The following PARD3 variants were observed in gnomAD, a reference collection of about 807,000 sequenced individuals.
The protein encoded by PARD3 is par-3 family cell polarity regulator, also known as partitioning defective 3 homolog.
In PARD3, 75 loss-of-function variants were observed where a neutral mutation model predicts 155.4. That is an observed-to-expected ratio of 0.48 (90% CI 0.40 to 0.58). PARD3 has a LOEUF of 0.58. Ranked by LOEUF, PARD3 falls within the 20% of genes least tolerant of loss-of-function variation. The probability of loss-of-function intolerance (pLI) is 0.00; values close to 1 mark genes in which losing one functional copy is unlikely to be tolerated. For synonymous variants in PARD3, 576 were observed against 610.5 expected, an observed-to-expected ratio of 0.94 and a Z score of 0.83; for missense variants, 1,642 against 1,721.7, an observed-to-expected ratio of 0.95 and a Z score of 0.82.
intron 6 of PARD3, among the ~76,000 whole-genome samples, chr10:34,400,947 C>A (rs906234705): frequency 2.6e-5 from 4 of 152,022 alleles, no homozygotes; most frequent in African/African-American, 9.6e-5. Flanking sequence ...CTGATTTTAT[C>A]CCACAGTCTA....
intron 3 of PARD3, among the ~76,000 whole-genome samples, chr10:34,487,759 G>C (rs2079574059): frequency 6.6e-6 from 1 of 151,708 alleles, no homozygotes; most frequent in Non-Finnish European, 1.5e-5. Flanking sequence ...AATTTTATAG[G>C]TATATCTGCA....
At chr10:34,501,688 C>T (rs114053432) in intron 3 of PARD3, among the ~76,000 whole-genome samples, 4,063 of 151,946 alleles carry the variant, frequency 0.027, 194 homozygotes, top group African/African-American at 0.093. Context: ...TATTTAAATG[C>T]ATGTAAAATG....
chr10:34,453,695 A>T (rs902580629), intron 4 of PARD3, among the ~76,000 whole-genome samples: 3 of 152,216 alleles, frequency 2.0e-5, no homozygotes, highest in African/African-American at 7.2e-5. Context: ...GCCTATTTCA[A>T]CTTCCTGTCA....
intron 5 of PARD3, among the ~76,000 whole-genome samples, chr10:34,444,405 T>C (rs1269330084): frequency 6.6e-6 from 1 of 152,232 alleles, no homozygotes; most frequent in Non-Finnish European, 1.5e-5. Context: ...AATATCAAAC[T>C]ATATTCTATG....
At chr10:34,183,788 G>A (rs954287822) in intron 22 of PARD3, among the ~76,000 whole-genome samples, 2 of 152,144 alleles carry the variant, frequency 1.3e-5, no homozygotes, top group African/African-American at 4.8e-5. Context: ...TCTGTATGGG[G>A]GAGCTGTTCT....
chr10:34,646,247 TA>T (rs2092833766), intron 2 of PARD3, among the ~76,000 whole-genome samples: 1 of 152,200 alleles, frequency 6.6e-6, no homozygotes, highest in South Asian at 2.1e-4. Context: ...TAATCGTGAT[TA>T]AGTCCAGGTA....
chr10:34,704,218 G>C (rs943654159), intron 1 of PARD3, among the ~76,000 whole-genome samples: 1 of 152,118 alleles, frequency 6.6e-6, no homozygotes, highest in Admixed American at 6.5e-5. Context: ...TAAGGCTAAG[G>C]CTAATTAGTT....
rs1354239846 is a variant in PARD3, at chr10:34,228,553, T to C, written c.3419+41104A>G. Among the ~76,000 whole-genome samples the C allele has an allele frequency of 1.3e-5, 2 of 152,064 alleles. 1 individual carries two copies. The highest frequency in any genetic ancestry group is 4.8e-5 in the African/African-American group (2 of 41,332). On this transcript the variant is annotated intron_variant, in intron 22 of 24. Coordinates refer to ENST00000374788, the MANE Select transcript of PARD3 (RefSeq NM_001184785.2). ...CTGGGATTTTTGTGGATAGAAATGT[T>C]AAAAGACTAGATTGTGGTGACAGTT...
chr10:34,793,443 C>T (rs1240868124), intron 1 of PARD3, among the ~76,000 whole-genome samples: 1 of 152,142 alleles, frequency 6.6e-6, no homozygotes, highest in Non-Finnish European at 1.5e-5. Context: ...ACACAGAACC[C>T]ATGGAGTTCT....
Position 34,466,370 on chromosome 10 carries a change from G to A in PARD3, c.582+3715C>T, listed in dbSNP as rs564439851. 9.2e-5 allele frequency among the ~76,000 whole-genome samples: 14 copies of A among 152,184 alleles called. 1 individual carries two copies. Among genetic ancestry groups the A allele is most frequent in the South Asian group, 4.1e-4 (2 of 4,822 alleles). ...TTCAACAAGGAAGACTCCACCTCTC[G>A]TTTGTGATTTTGAACCAAAGGAGAG... On this transcript the variant is annotated intron_variant, in intron 4 of 24. Coordinates refer to ENST00000374788, the MANE Select transcript of PARD3 (RefSeq NM_001184785.2).
Position 34,447,480 on chromosome 10 carries a change from C to CAAAAAAAAAAAAAAAAAAAAAAA in PARD3, c.714+2814_714+2836dup, listed in dbSNP as rs745637071. 2.1e-4 allele frequency among the ~76,000 whole-genome samples: 8 copies of CAAAAAAAAAAAAAAAAAAAAAAA among 37,212 alleles called. 2 individuals carry two copies. Among genetic ancestry groups the CAAAAAAAAAAAAAAAAAAAAAAA allele is most frequent in the East Asian group, 9.0e-4 (1 of 1,106 alleles). The allele number at this position is 37,212 out of a possible 152,430, so 24.4% of individuals were successfully genotyped here. A position where few individuals can be genotyped will look rare whatever the true frequency, so the allele number is the denominator to read the frequency against. The stretch of plus-strand genomic sequence containing the variant: ...TGGGCAACAGAGCAAGACTGCGTCT[C>CAAAAAAAAAAAAAAAAAAAAAAA]AAAAAAAAAAAAAAAAAAAAAAAAA... On this transcript the variant is annotated intron_variant, in intron 5 of 24. Coordinates refer to ENST00000374788, the MANE Select transcript of PARD3 (RefSeq NM_001184785.2).
chr10:34,215,398 A>G (rs1951955873), intron 22 of PARD3, among the ~76,000 whole-genome samples: 1 of 152,246 alleles, frequency 6.6e-6, no homozygotes, highest in African/African-American at 2.4e-5. Context: ...ATTGAAAAAT[A>G]CATAAAATGT....
At position 34,169,387 on chromosome 10, in the gene PARD3, A is replaced by G. The variant is rs376796054; in HGVS notation, c.3420-37804T>C. ...CACGCAGGAGAGCAGGAGATGACAA[A>G]AGAAGCTGGATATTCTGGTGATAAA... is the stretch of plus-strand genomic sequence containing the variant. On this transcript the variant is annotated intron_variant, in intron 22 of 24. Coordinates refer to ENST00000374788, the MANE Select transcript of PARD3 (RefSeq NM_001184785.2). 1.0e-3 allele frequency among the ~76,000 whole-genome samples: 159 copies of G among 152,302 alleles called. 1 individual carries two copies. The highest frequency in any genetic ancestry group is 3.6e-3 in the African/African-American group (151 of 41,564).
intron 2 of PARD3, among the ~76,000 whole-genome samples, chr10:34,569,576 C>A (rs2086221499): frequency 6.6e-6 from 1 of 151,972 alleles, no homozygotes. Context: ...CGCCATCACA[C>A]CCAGCTAATT....
chr10:34,658,974 T>C (rs1032595809), intron 2 of PARD3, among the ~76,000 whole-genome samples: 1 of 152,242 alleles, frequency 6.6e-6, no homozygotes, highest in African/African-American at 2.4e-5. Context: ...TTTATATATA[T>C]TATTTTCAAA....
chr10:34,750,697 T>A (rs1835920345), intron 1 of PARD3, among the ~76,000 whole-genome samples: 1 of 151,806 alleles, frequency 6.6e-6, no homozygotes, highest in African/African-American at 2.4e-5. Flanking sequence ...AACAATTTTT[T>A]TTTTTTTTTG....
At position 34,359,207 on chromosome 10, in the gene PARD3, T is replaced by G. The variant is rs1489022737; in HGVS notation, c.2007A>C (p.Glu669Asp). The change falls in exon 14 of 25, where the codon GAA (glutamate) becomes GAC (aspartate). Residue 669 changes from glutamate (E) to aspartate (D), a missense_variant. Transcript: ENST00000374788. Reference protein sequence around the residue: ...METLRRSMSTEGNKRGMIQLI... With the variant: ...METLRRSMSTDGNKRGMIQLI... ...GCTGGATCATTCCTCGTTTATTGCC[T>G]TCAGTAGACATAGACCTTCTTAGGG... 1 of 1,613,938 alleles carries G rather than the reference T, an allele frequency of 6.2e-7. No homozygotes were observed. Among genetic ancestry groups the G allele is most frequent in the Admixed American group, 1.7e-5 (1 of 60,018 alleles).
chr10:34,245,576 GAAACAAAACA>G (rs5784403), intron 22 of PARD3, among the ~76,000 whole-genome samples: 6,767 of 148,232 alleles, frequency 0.046, 396 homozygotes, highest in African/African-American at 0.13. Flanking sequence ...ATACATCCCT[GAAACAAAACA>G]AAACAAAACA....
At chr10:34,674,893 C>T (rs971385345) in intron 2 of PARD3, among the ~76,000 whole-genome samples, 11 of 152,280 alleles carry the variant, frequency 7.2e-5, no homozygotes, top group Middle Eastern at 3.4e-3. Flanking sequence ...CTACTGCAAG[C>T]CAATTTAAGT....
Sources: allele counts gnomAD v4.1 joint callset (sites outside exome capture counted in the v4.1 genomes callset), GRCh38; gene constraint gnomAD v4.1.1; transcripts MANE v1.5; gene names NCBI Gene and HGNC (gene_info 2026-07-23, HGNC 2026-07-21).